The following MECOM variants were observed in gnomAD, a reference collection of about 807,000 sequenced individuals.
The protein encoded by MECOM is MDS1 and EVI1 complex locus.
MECOM carries 13 observed loss-of-function variants against 116.3 expected under a neutral mutation model. The observed-to-expected ratio is 0.11, with a 90% confidence interval of 0.07 to 0.18. The LOEUF is 0.18. MECOM is among the 10% of genes least tolerant of loss of function. The pLI is 1.00. For synonymous variants in MECOM, 528 were observed against 535.2 expected, an observed-to-expected ratio of 0.99 and a Z score of 0.19; for missense variants, 1,299 against 1,509.0, an observed-to-expected ratio of 0.86 and a Z score of 2.31.
intron 2 of MECOM, among the ~76,000 whole-genome samples, chr3:169,378,588 AAGT>A (rs55649720): frequency 0.025 from 1,615 of 64,008 alleles, 94 homozygotes; most frequent in Middle Eastern, 0.043. Context: ...GAAAGAAAGT[AAGT>A]AAGTAAGTTT....
Position 169,373,356 on chromosome 3 carries a change from A to G in MECOM, c.375+7831T>C, listed in dbSNP as rs1050764223. Among the ~76,000 whole-genome samples, 7 of 152,002 alleles carry G rather than the reference A, an allele frequency of 4.6e-5. 1 individual carries two copies. Among genetic ancestry groups the G allele is most frequent in the African/African-American group, 1.7e-4 (7 of 41,430 alleles). On this transcript the variant is annotated intron_variant, in intron 2 of 16. Transcript: ENST00000651503. ...ATTTTCAAAAGTATCTTATTTCTCT[A>G]ACATATAAACAAAGGATTTTCCAAA...
Position 169,632,188 on chromosome 3 carries a change from G to A in MECOM, c.37+31148C>T, listed in dbSNP as rs1381445398. ...CATTTATTCAGAAGCATTCTGGAGA[G>A]AAATATATATATATATATATTCAAA... On this transcript the variant is annotated intron_variant, in intron 1 of 16. Transcript: ENST00000651503. Among the ~76,000 whole-genome samples the A allele has an allele frequency of 3.2e-5, 4 of 123,798 alleles. No homozygotes were observed. The East Asian group carries it at 1.1e-3, about 34-fold the overall frequency. 81.2% of individuals were successfully genotyped at this position (123,798 alleles called of 152,430 possible).
At position 169,085,061 on chromosome 3, in the gene MECOM, G is replaced by C. The variant is rs1475473195; in HGVS notation, c.3586-18C>G. The C allele has an allele frequency of 1.2e-6, 2 of 1,613,540 alleles. No individual in the cohort carries two copies. Among genetic ancestry groups the C allele is most frequent in the African/African-American group, 1.3e-5 (1 of 75,028 alleles). On this transcript the variant is annotated intron_variant, in intron 16 of 16. Transcript: ENST00000651503. ...GCATATGCCTGGGGTAAAAAGGAGA[G>C]AGACTCAGTAAATGGCATTTGAAAA...
intron 2 of MECOM, among the ~76,000 whole-genome samples, chr3:169,351,314 GTT>G (rs1166999383): frequency 1.3e-5 from 2 of 151,646 alleles, no homozygotes; most frequent in Admixed American, 1.3e-4. Flanking sequence ...AAAAATCAAA[GTT>G]TTGTCTACAT....
intron 2 of MECOM, among the ~76,000 whole-genome samples, chr3:169,182,820 T>C (rs1577276447): frequency 6.6e-6 from 1 of 152,100 alleles, no homozygotes; most frequent in Non-Finnish European, 1.5e-5. Context: ...ACTCTAACTT[T>C]CCTGATTTGC....
At chr3:169,561,753 G>A (rs1315255172) in intron 1 of MECOM, among the ~76,000 whole-genome samples, 1 of 152,022 alleles carries the variant, frequency 6.6e-6, no homozygotes, top group Non-Finnish European at 1.5e-5. Context: ...GATTAGCAAA[G>A]GATTATTAAA....
chr3:169,368,061 A>C (rs1238501183), intron 2 of MECOM, among the ~76,000 whole-genome samples: 1 of 152,048 alleles, frequency 6.6e-6, no homozygotes, highest in Admixed American at 6.6e-5. Flanking sequence ...TTAAAGACGT[A>C]GTTTTTGGTG....
At chr3:169,248,079 C>A (rs1236450971) in intron 2 of MECOM, among the ~76,000 whole-genome samples, 4 of 152,098 alleles carry the variant, frequency 2.6e-5, no homozygotes, top group African/African-American at 4.8e-5. Flanking sequence ...TAGGATAGCA[C>A]CTGGCACAGG....
chr3:169,332,004 TTAA>T (rs1194381696), intron 2 of MECOM, among the ~76,000 whole-genome samples: 3 of 118,972 alleles, frequency 2.5e-5, no homozygotes, highest in African/African-American at 8.3e-5. Flanking sequence ...TCTTTTTTAT[TTAA>T]AAAAAAAAAA....
In MECOM at chr3:169,378,549, AG is replaced by A. The variant is rs1385870413; in HGVS notation, c.375+2637del. Among the ~76,000 whole-genome samples, 261 of 135,862 alleles carry A rather than the reference AG, an allele frequency of 1.9e-3. 16 individuals carry two copies. Among genetic ancestry groups the A allele is most frequent in the Middle Eastern group, 0.014 (4 of 280 alleles). 89.1% of individuals were successfully genotyped at this position (135,862 alleles called of 152,430 possible). ...AAGAAAGAAAGAAAGAAAGAAAGAA[AG>A]AAAGAAAGAAAGAAAGAAAGAAAGA... On this transcript the variant is annotated intron_variant, in intron 2 of 16. Coordinates refer to ENST00000651503, the MANE Select transcript of MECOM (RefSeq NM_004991.4).
intron 2 of MECOM, among the ~76,000 whole-genome samples, chr3:169,164,048 A>G (rs1167263370): frequency 6.6e-6 from 1 of 152,176 alleles, no homozygotes; most frequent in African/African-American, 2.4e-5. Context: ...TTGTGGCATC[A>G]TGCTATTTTT....
chr3:169,437,901 C>A (rs1266914796), intron 1 of MECOM, among the ~76,000 whole-genome samples: 1 of 152,170 alleles, frequency 6.6e-6, no homozygotes, highest in Non-Finnish European at 1.5e-5. Flanking sequence ...GCATAAAAAT[C>A]TCATCCTCCT....
chr3:169,111,471 A>T (rs1727383047), intron 9 of MECOM, among the ~76,000 whole-genome samples: 1 of 152,186 alleles, frequency 6.6e-6, no homozygotes, highest in South Asian at 2.1e-4. Flanking sequence ...GCTACATTCC[A>T]GTTTATTAGC....
At chr3:169,538,701 TG>T (rs1759691615) in intron 1 of MECOM, among the ~76,000 whole-genome samples, 1 of 152,178 alleles carries the variant, frequency 6.6e-6, no homozygotes, top group Non-Finnish European at 1.5e-5. Flanking sequence ...CCAGAGTAGA[TG>T]TTGAGGCTAG....
At chr3:169,590,721 C>T (rs1202804285) in intron 1 of MECOM, among the ~76,000 whole-genome samples, 1 of 152,182 alleles carries the variant, frequency 6.6e-6, no homozygotes, top group Non-Finnish European at 1.5e-5. Flanking sequence ...AGTCCACGCA[C>T]TGCCACTTGA....
At position 169,663,630 on chromosome 3, in the gene MECOM, C is replaced by T; in HGVS notation, c.-258G>A. ...TCTCCCTCCCTCTCTCCCTTTCTCT[C>T]AATCCACACTCGCTATCTCTCCAGC... On this transcript the variant is annotated 5_prime_UTR_variant, in exon 1 of 17. The change abolishes the stop of an existing upstream ORF in the 5' untranslated region. Transcript: ENST00000651503. The T allele has an allele frequency of 3.5e-6, 2 of 564,700 alleles. No individual in the cohort carries two copies. The highest frequency in any genetic ancestry group is 2.9e-5 in the East Asian group (1 of 34,386). 35.0% of individuals were successfully genotyped at this position (564,700 alleles called of 1,614,324 possible).
At chr3:169,415,318 C>G (rs927808134) in intron 1 of MECOM, among the ~76,000 whole-genome samples, 2 of 152,184 alleles carry the variant, frequency 1.3e-5, no homozygotes, top group Non-Finnish European at 2.9e-5. Context: ...AAATCCTTTA[C>G]AGACAAGCAA....
intron 1 of MECOM, among the ~76,000 whole-genome samples, chr3:169,655,688 T>A (rs886405329): frequency 1.2e-4 from 18 of 152,234 alleles, no homozygotes; most frequent in Non-Finnish European, 2.1e-4. Flanking sequence ...CCCTTCATTC[T>A]GAGGGCATAA....
chr3:169,116,381 G>A lies in MECOM; in HGVS notation c.1491C>T (p.Ser497=), dbSNP rs144980015. 1.1e-4 allele frequency: 178 copies of A among 1,614,150 alleles called. 1 individual carries two copies. The East Asian group carries it at 3.3e-3, about 30-fold the overall frequency. ...FSFSFPGLFP[S]GLYHRPPLIP... ...TCAAAGGAGGCCTGTGGTACAAGCC[G>A]GAAGGAAACAGACCAGGGAAGCTAA... The change falls in exon 8 of 17, where the codon TCC becomes TCT. Residue 497 remains serine (S), a synonymous_variant. Coordinates refer to ENST00000651503, the MANE Select transcript of MECOM (RefSeq NM_004991.4).
Sources: allele counts gnomAD v4.1 joint callset (sites outside exome capture counted in the v4.1 genomes callset), GRCh38; gene constraint gnomAD v4.1.1; transcripts MANE v1.5; gene names NCBI Gene and HGNC (gene_info 2026-07-23, HGNC 2026-07-21).